Variants in SAMD5 observed in about 807,000 individuals in gnomAD.
SAMD5 encodes the protein sterile alpha motif domain-containing protein 5.
Under a neutral mutation model 11.3 loss-of-function variants are expected in SAMD5, and 13 were observed. The ratio of observed to expected loss-of-function variants is 1.15; its 90% CI spans 0.75 to 1.83. The LOEUF (loss-of-function observed/expected upper bound fraction) is 1.83. Among genes scored for constraint, SAMD5 ranks in the 40% most tolerant of loss-of-function variants. The pLI, the probability that SAMD5 is intolerant of heterozygous loss-of-function variation, is 0.00. For synonymous variants in SAMD5, 129 were observed against 111.3 expected, an observed-to-expected ratio of 1.16 and a Z score of -1.00; for missense variants, 255 against 239.1, an observed-to-expected ratio of 1.07 and a Z score of -0.44.
intron 1 of SAMD5, among the ~76,000 whole-genome samples, chr6:147,604,121 T>C (rs1789663055): frequency 6.6e-6 from 1 of 152,202 alleles, no homozygotes; most frequent in Admixed American, 6.5e-5. Context: ...ACACGAAGAC[T>C]GACGACTAGA....
At chr6:147,813,687 A>T in the SAMD5 span, among the ~76,000 whole-genome samples, 1 of 152,274 alleles carries the variant, frequency 6.6e-6, no homozygotes, top group African/African-American at 2.4e-5. Flanking sequence ...GACTTTCAGG[A>T]ATAAAGCTGT....
intron 1 of SAMD5, among the ~76,000 whole-genome samples, chr6:147,665,122 C>T (rs749155673): frequency 1.2e-4 from 19 of 152,142 alleles, no homozygotes; most frequent in Non-Finnish European, 2.4e-4. Context: ...GTATTTTCTA[C>T]TGTATTGCCT....
the SAMD5 span, among the ~76,000 whole-genome samples, chr6:147,914,815 A>G: frequency 1.3e-5 from 2 of 152,224 alleles, no homozygotes; most frequent in Admixed American, 6.5e-5. Context: ...ATGTAATATC[A>G]TAAGAAAGAC....
the SAMD5 span, among the ~76,000 whole-genome samples, chr6:147,838,833 T>C: frequency 2.0e-5 from 3 of 151,994 alleles, no homozygotes; most frequent in African/African-American, 7.3e-5. Context: ...CCACATATCA[T>C]CGGTAAGGGC....
chr6:147,600,300 C>A (rs1406902320), intron 1 of SAMD5, among the ~76,000 whole-genome samples: 2 of 152,202 alleles, frequency 1.3e-5, no homozygotes, highest in Non-Finnish European at 2.9e-5. Flanking sequence ...CACTCCAGCC[C>A]TGCTCTAGGG....
chr6:147,586,361 T>C (rs187052511), intron 1 of SAMD5, among the ~76,000 whole-genome samples: 1 of 152,288 alleles, frequency 6.6e-6, no homozygotes, highest in Admixed American at 6.5e-5. Context: ...GAAACCCTAG[T>C]ACACATACAT....
chr6:147,626,803 AAAAAAAAAAAAAAAG>A (rs1156309890), intron 1 of SAMD5, among the ~76,000 whole-genome samples: 1 of 148,994 alleles, frequency 6.7e-6, no homozygotes, highest in Admixed American at 6.7e-5. Context: ...AAAAAAAAAA[AAAAAAAAAAAAAAAG>A]AAAGAAAGAA....
the SAMD5 span, among the ~76,000 whole-genome samples, chr6:147,927,148 CT>C: frequency 1.3e-5 from 2 of 151,788 alleles, no homozygotes; most frequent in East Asian, 1.9e-4. Flanking sequence ...GTTATTCGGG[CT>C]TTTTTTTGTT....
chr6:147,876,268 G>A, the SAMD5 span, among the ~76,000 whole-genome samples: 1 of 152,220 alleles, frequency 6.6e-6, no homozygotes, highest in African/African-American at 2.4e-5. Flanking sequence ...AACTGGGAAG[G>A]CCCTGAGCTC....
At chr6:147,535,885 T>C (rs1397940044) in intron 1 of SAMD5, among the ~76,000 whole-genome samples, 3 of 152,184 alleles carry the variant, frequency 2.0e-5, no homozygotes, top group African/African-American at 7.2e-5. Context: ...GGACAAGGTA[T>C]GAGGCCAGAT....
At chr6:147,775,723 C>T in the SAMD5 span, among the ~76,000 whole-genome samples, 1 of 152,130 alleles carries the variant, frequency 6.6e-6, no homozygotes, top group African/African-American at 2.4e-5. Context: ...GTTTGAGTGT[C>T]TAGGACTTTG....
At chr6:147,908,821 G>GCC in the SAMD5 span, among the ~76,000 whole-genome samples, 2 of 152,186 alleles carry the variant, frequency 1.3e-5, no homozygotes, top group Non-Finnish European at 2.9e-5. Context: ...ATAGGTTTCT[G>GCC]TAATGACTGC....
At chr6:147,616,156 A>ATATATATAATGAAATGATTATTTCAT (rs1554237091) in intron 1 of SAMD5, among the ~76,000 whole-genome samples, 6,187 of 135,876 alleles carry the variant, frequency 0.046, 138 homozygotes, top group Middle Eastern at 0.082. Flanking sequence ...ATATTTATTC[A>ATATATATAATGAAATGATTATTTCAT]TATATATTTC....
the SAMD5 span, among the ~76,000 whole-genome samples, chr6:147,909,609 T>TTTC: frequency 6.9e-4 from 48 of 69,144 alleles, 6 homozygotes; most frequent in African/African-American, 4.0e-3. Flanking sequence ...TCTTTCTTTC[T>TTTC]TTCTTTCTTT....
At chr6:147,655,434 T>C (rs141838063) in intron 1 of SAMD5, among the ~76,000 whole-genome samples, 2,684 of 152,334 alleles carry the variant, frequency 0.018, 35 homozygotes, top group South Asian at 0.041. Flanking sequence ...TATTTATGCA[T>C]GTATATCCAC....
chr6:147,811,113 C>T, the SAMD5 span, among the ~76,000 whole-genome samples: 3 of 152,170 alleles, frequency 2.0e-5, no homozygotes, highest in Non-Finnish European at 2.9e-5. Flanking sequence ...GCTGTGAATA[C>T]AATGTTCGGC....
At chr6:147,599,851 C>T (rs1205458031) in intron 1 of SAMD5, among the ~76,000 whole-genome samples, 2 of 152,172 alleles carry the variant, frequency 1.3e-5, no homozygotes, top group African/African-American at 4.8e-5. Flanking sequence ...CCAGCCTGAC[C>T]TCTGTGGCAA....
At chr6:147,595,359 C>G (rs1428683329) in intron 1 of SAMD5, among the ~76,000 whole-genome samples, 1 of 152,004 alleles carries the variant, frequency 6.6e-6, no homozygotes, top group Non-Finnish European at 1.5e-5. Flanking sequence ...TAGTTTGAAA[C>G]TTAGAATAAC....
intron 1 of SAMD5, among the ~76,000 whole-genome samples, chr6:147,611,031 G>T (rs921926900): frequency 2.0e-5 from 3 of 151,782 alleles, no homozygotes; most frequent in Non-Finnish European, 4.4e-5. Context: ...CACGACGCCC[G>T]GCTAATTTTT....
Sources: gnomAD v4.1 joint callset for allele counts (sites outside exome capture counted in the v4.1 genomes callset) on GRCh38, gnomAD v4.1.1 for gene constraint, MANE v1.5 for transcripts, NCBI Gene and HGNC (gene_info 2026-07-23, HGNC 2026-07-21) for gene names.